LPP: variants seen among roughly 807,000 people sequenced by gnomAD.
The protein encoded by LPP is LIM domain containing preferred translocation partner in lipoma, also known as lipoma-preferred partner.
A neutral mutation model predicts 60.4 loss-of-function variants in LPP; 38 were observed. The observed-to-expected ratio is 0.63, with a 90% CI of 0.49 to 0.83. LPP has a LOEUF of 0.83. LPP is among the 40% of genes least tolerant of loss of function. LPP has a pLI of 0.00. For synonymous variants in LPP, 328 were observed against 290.8 expected, an observed-to-expected ratio of 1.13 and a Z score of -1.30; for missense variants, 902 against 783.6, an observed-to-expected ratio of 1.15 and a Z score of -1.80.
At chr3:188,806,674 T>G (rs920571120) in intron 9 of LPP, among the ~76,000 whole-genome samples, 3 of 151,954 alleles carry the variant, frequency 2.0e-5, no homozygotes, top group Non-Finnish European at 4.4e-5. Context: ...TTACACTATT[T>G]GTTTATTATT....
intron 4 of LPP, among the ~76,000 whole-genome samples, chr3:188,475,945 T>G: frequency 6.6e-6 from 1 of 152,168 alleles, no homozygotes; most frequent in Non-Finnish European, 1.5e-5. Context: ...AAACAATTTT[T>G]TATGTTCTTC....
rs9823010 is a variant in LPP at position 188,888,809 on chromosome 3, C to T, written c.*14330C>T. On this transcript the variant is annotated 3_prime_UTR_variant, in exon 12 of 12. Coordinates refer to ENST00000617246, the MANE Select transcript of LPP (RefSeq NM_001375462.1). ...CCCCTCTCAAGCGGCTACCGTGAAA[C>T]GGGCTGCAAACACATTCCCTGAGCA... The T allele has an allele frequency of 8.2e-3, 1,806 of 220,882 alleles. 16 individuals are homozygous for T. Among genetic ancestry groups the T allele is most frequent in the South Asian group, 0.028 (150 of 5,452 alleles). 13.7% of individuals were successfully genotyped at this position (220,882 alleles called of 1,614,324 possible).
chr3:188,733,645 A>G (rs1721455210), intron 8 of LPP, among the ~76,000 whole-genome samples: 1 of 152,140 alleles, frequency 6.6e-6, no homozygotes, highest in South Asian at 2.1e-4. Context: ...GGTTATTGCT[A>G]GTTTAAAGGA....
At chr3:188,474,775 G>A (rs544871501) in intron 4 of LPP, among the ~76,000 whole-genome samples, 2 of 152,056 alleles carry the variant, frequency 1.3e-5, no homozygotes, top group East Asian at 1.9e-4. Context: ...TTACTTTTTC[G>A]CATTGGAGCT....
At chr3:188,803,667 G>T (rs757044549) in intron 9 of LPP, among the ~76,000 whole-genome samples, 6 of 152,160 alleles carry the variant, frequency 3.9e-5, no homozygotes, top group Non-Finnish European at 7.3e-5. Flanking sequence ...CCATCAGTCT[G>T]TTAATATATG....
At chr3:188,777,291 G>GTT (rs371983065) in intron 9 of LPP, among the ~76,000 whole-genome samples, 5 of 140,888 alleles carry the variant, frequency 3.5e-5, no homozygotes, top group Admixed American at 7.1e-5. Context: ...ATGCATCTAG[G>GTT]TTTTTTTTTT....
chr3:188,562,135 A>T (rs1190308375), intron 6 of LPP: 3 of 152,006 alleles, frequency 2.0e-5, no homozygotes, highest in African/African-American at 7.2e-5. Context: ...GACGACCTAT[A>T]CTGCCTGTTG....
chr3:188,510,161 T>C (rs1377444568), intron 5 of LPP, among the ~76,000 whole-genome samples: 3 of 152,214 alleles, frequency 2.0e-5, no homozygotes, highest in East Asian at 3.9e-4. Flanking sequence ...TTCTGGGGTA[T>C]AGAAATGATT....
intron 2 of LPP, among the ~76,000 whole-genome samples, chr3:188,300,428 T>C (rs111669799): frequency 6.6e-6 from 1 of 151,566 alleles, no homozygotes; most frequent in Admixed American, 6.6e-5. Flanking sequence ...GGAACTTACT[T>C]TAAAACATGG....
intron 1 of LPP, among the ~76,000 whole-genome samples, chr3:188,211,999 C>T (rs993820191): frequency 6.6e-6 from 1 of 151,996 alleles, no homozygotes; most frequent in Non-Finnish European, 1.5e-5. Flanking sequence ...GCTGGGATTA[C>T]AGGCACACAC....
At chr3:188,265,196 GTTTGT>G (rs550816844) in intron 2 of LPP, among the ~76,000 whole-genome samples, 25 of 152,160 alleles carry the variant, frequency 1.6e-4, no homozygotes, top group Non-Finnish European at 2.9e-4. Context: ...TATTGTTGTT[GTTTGT>G]TTTGTTTTGT....
In LPP at chr3:188,451,267, G is replaced by C. The variant is rs375182871; in HGVS notation, c.194-33325G>C. Among the ~76,000 whole-genome samples the C allele has an allele frequency of 1.2e-4, 18 of 152,126 alleles. No individual in the cohort carries two copies. The South Asian group carries it at 2.1e-3, about 18-fold the overall frequency. On this transcript the variant is annotated intron_variant, in intron 4 of 11. Coordinates refer to ENST00000617246, the MANE Select transcript of LPP (RefSeq NM_001375462.1). ...CAGATTCAGTCTCTCAAAATTACTG[G>C]GAAGAAAAGTGATTTGTTTCATAAG... is the stretch of plus-strand genomic sequence containing the variant.
chr3:188,817,313 T>G (rs981781799), intron 9 of LPP, among the ~76,000 whole-genome samples: 1 of 152,186 alleles, frequency 6.6e-6, no homozygotes, highest in Non-Finnish European at 1.5e-5. Context: ...TATCAAAGTT[T>G]GATGTAGACT....
chr3:188,207,621 CTTT>C (rs77534309), intron 1 of LPP, among the ~76,000 whole-genome samples: 2 of 131,306 alleles, frequency 1.5e-5, no homozygotes, highest in Admixed American at 7.7e-5. Context: ...TCTTTTTCTT[CTTT>C]TTTTTTTTTT....
At chr3:188,174,374 G>A (rs757760551) in intron 1 of LPP, among the ~76,000 whole-genome samples, 1 of 152,220 alleles carries the variant, frequency 6.6e-6, no homozygotes, top group Non-Finnish European at 1.5e-5. Context: ...GGCAGTATGT[G>A]TTTTATAAAT....
intron 2 of LPP, among the ~76,000 whole-genome samples, chr3:188,338,932 C>G (rs1762365592): frequency 6.6e-6 from 1 of 152,166 alleles, no homozygotes. Context: ...TGCAGCTGAT[C>G]TCTGCACTTT....
chr3:188,438,911 A>C (rs1016176781), intron 4 of LPP, among the ~76,000 whole-genome samples: 2 of 152,178 alleles, frequency 1.3e-5, no homozygotes, highest in Admixed American at 1.3e-4. Context: ...AATAATGGCT[A>C]AATGAATCAT....
intron 7 of LPP, among the ~76,000 whole-genome samples, chr3:188,673,992 G>T (rs1436251102): frequency 6.0e-5 from 9 of 151,084 alleles, no homozygotes; most frequent in African/African-American, 2.2e-4. Context: ...CTCCTTTGTA[G>T]TGTAGGGAAG....
chr3:188,512,444 C>G (rs1188885431), intron 5 of LPP, among the ~76,000 whole-genome samples: 1 of 150,952 alleles, frequency 6.6e-6, no homozygotes, highest in East Asian at 2.0e-4. Flanking sequence ...CCTAGCTACT[C>G]GGGAGGCTTA....
Sources: gnomAD v4.1 joint callset for allele counts (sites outside exome capture counted in the v4.1 genomes callset) on GRCh38, gnomAD v4.1.1 for gene constraint, MANE v1.5 for transcripts, NCBI Gene and HGNC (gene_info 2026-07-23, HGNC 2026-07-21) for gene names.